The following LRRC37A2 variants were observed in gnomAD, a reference collection of about 807,000 sequenced individuals.
The protein encoded by LRRC37A2 is leucine rich repeat containing 37 member A2.
LRRC37A2 carries 9 observed loss-of-function variants against 68.8 expected under a neutral mutation model. That is an observed-to-expected ratio of 0.13 (90% CI 0.08 to 0.23). The LOEUF (loss-of-function observed/expected upper bound fraction) is 0.23. LRRC37A2 is among the 10% of genes least tolerant of loss of function. The probability of loss-of-function intolerance (pLI) is 1.00; values close to 1 mark genes in which losing one functional copy is unlikely to be tolerated. For missense variants in LRRC37A2, 168 were observed against 950.4 expected (o/e 0.18, Z 10.82); for synonymous variants, 63 against 367.6 (o/e 0.17, Z 9.48).
the LRRC37A2 span, among the ~76,000 whole-genome samples, chr17:46,908,848 C>T: frequency 0.11 from 17,238 of 152,170 alleles, 1,257 homozygotes; most frequent in Non-Finnish European, 0.16. Flanking sequence ...TCCACTCTTT[C>T]GATCTGAGGG....
At chr17:46,843,105 G>A in the LRRC37A2 span, among the ~76,000 whole-genome samples, 2 of 152,240 alleles carry the variant, frequency 1.3e-5, no homozygotes, top group African/African-American at 4.8e-5. Flanking sequence ...TGAGGAAGAA[G>A]GTGGGCACAT....
the LRRC37A2 span, among the ~76,000 whole-genome samples, chr17:46,958,029 TG>T: frequency 6.6e-6 from 1 of 152,166 alleles, no homozygotes; most frequent in Admixed American, 6.5e-5. Context: ...GCTGCTGCTT[TG>T]GGAGTCTTTG....
chr17:46,727,134 G>T, the LRRC37A2 span, among the ~76,000 whole-genome samples: 1 of 152,088 alleles, frequency 6.6e-6, no homozygotes, highest in African/African-American at 2.4e-5. Context: ...AGACAAAAAT[G>T]GGATAATAAA....
the LRRC37A2 span, among the ~76,000 whole-genome samples, chr17:46,816,494 C>T: frequency 6.6e-6 from 1 of 151,704 alleles, no homozygotes; most frequent in Non-Finnish European, 1.5e-5. Context: ...CACACACACA[C>T]ACACACACAC....
the LRRC37A2 span, among the ~76,000 whole-genome samples, chr17:46,918,525 T>C: frequency 6.6e-6 from 1 of 152,126 alleles, no homozygotes; most frequent in African/African-American, 2.4e-5. Context: ...AAAGTAATTA[T>C]GGTTTGCCAT....
chr17:46,878,034 G>T, the LRRC37A2 span, among the ~76,000 whole-genome samples: 1 of 152,176 alleles, frequency 6.6e-6, no homozygotes, highest in African/African-American at 2.4e-5. Context: ...CTCCACACAG[G>T]CACACATGGA....
the LRRC37A2 span, among the ~76,000 whole-genome samples, chr17:46,787,703 C>T: frequency 2.2e-4 from 34 of 152,312 alleles, no homozygotes; most frequent in Middle Eastern, 3.4e-3. Flanking sequence ...CCTGTATTCC[C>T]GGCACTTTGG....
the LRRC37A2 span, among the ~76,000 whole-genome samples, chr17:46,836,244 G>A: frequency 1.3e-5 from 2 of 151,984 alleles, no homozygotes; most frequent in African/African-American, 2.4e-5. Context: ...AAAAGAGTGC[G>A]GAGGAAGTGA....
the LRRC37A2 span, chr17:47,018,549 A>G: frequency 7.9e-6 from 12 of 1,520,094 alleles, no homozygotes; most frequent in Admixed American, 1.7e-5. Flanking sequence ...AGAACCTCCC[A>G]CCATCCAGCA....
the LRRC37A2 span, among the ~76,000 whole-genome samples, chr17:46,493,569 C>T: frequency 1.4e-5 from 2 of 144,084 alleles, no homozygotes; most frequent in East Asian, 2.0e-4. Flanking sequence ...GACGGAGTCT[C>T]GCTGTGTCGC....
chr17:46,802,517 C>T, the LRRC37A2 span, among the ~76,000 whole-genome samples: 1 of 152,294 alleles, frequency 6.6e-6, no homozygotes, highest in Admixed American at 6.5e-5. Context: ...ATCCACCTGC[C>T]TCGGCCTCCC....
chr17:46,839,469 C>T, the LRRC37A2 span, among the ~76,000 whole-genome samples: 1 of 152,206 alleles, frequency 6.6e-6, no homozygotes, highest in African/African-American at 2.4e-5. Context: ...ATGGCTGTGG[C>T]ACAACGCAGG....
chr17:46,910,442 T>C, the LRRC37A2 span, among the ~76,000 whole-genome samples: 1 of 152,156 alleles, frequency 6.6e-6, no homozygotes, highest in Admixed American at 6.5e-5. Context: ...GCTGCTCTAG[T>C]GACTCTCACG....
At chr17:46,940,047 T>C in the LRRC37A2 span, 1 of 1,067,786 alleles carries the variant, frequency 9.4e-7, no homozygotes, top group Non-Finnish European at 1.1e-6. Flanking sequence ...CTGCCCTACC[T>C]GCTCTGTTAG....
chr17:46,817,746 C>T, the LRRC37A2 span, among the ~76,000 whole-genome samples: 10 of 152,062 alleles, frequency 6.6e-5, no homozygotes, highest in African/African-American at 2.2e-4. Flanking sequence ...CCTCGGTCCT[C>T]GGTTTTCCAA....
chr17:46,779,769 T>C, the LRRC37A2 span, among the ~76,000 whole-genome samples: 335 of 143,750 alleles, frequency 2.3e-3, 1 homozygote, highest in South Asian at 5.2e-3. Context: ...CCTTTTTTTT[T>C]CTTTTTTTGA....
At chr17:46,856,497 T>G in the LRRC37A2 span, among the ~76,000 whole-genome samples, 1 of 151,964 alleles carries the variant, frequency 6.6e-6, no homozygotes, top group African/African-American at 2.4e-5. Flanking sequence ...TCTTTTTTTT[T>G]TTTTTGAGAT....
the LRRC37A2 span, among the ~76,000 whole-genome samples, chr17:46,828,755 T>A: frequency 6.6e-6 from 1 of 151,658 alleles, no homozygotes; most frequent in Non-Finnish European, 1.5e-5. Context: ...GCTCAGGAGT[T>A]TGAGACCAGA....
At chr17:46,922,881 T>C in the LRRC37A2 span, 6 of 495,636 alleles carry the variant, frequency 1.2e-5, no homozygotes, top group South Asian at 1.2e-4. Flanking sequence ...TGAGGACCTC[T>C]CGTTAGTATC....
Sources: gnomAD v4.1 joint callset for allele counts (sites outside exome capture counted in the v4.1 genomes callset) on GRCh38, gnomAD v4.1.1 for gene constraint, MANE v1.5 for transcripts, NCBI Gene and HGNC (gene_info 2026-07-23, HGNC 2026-07-21) for gene names.